The following MAST2 variants were observed in gnomAD, a reference collection of about 807,000 sequenced individuals.
MAST2 encodes microtubule associated serine/threonine kinase 2, also known as microtubule-associated serine/threonine-protein kinase 2.
MAST2 carries 70 observed loss-of-function variants against 147.4 expected under a neutral mutation model. The ratio of observed to expected loss-of-function variants is 0.47; its 90% CI spans 0.39 to 0.58. The LOEUF is 0.58. MAST2 is among the 20% of genes least tolerant of loss of function. MAST2 has a pLI of 0.00. For synonymous variants in MAST2, 869 were observed against 896.8 expected, an observed-to-expected ratio of 0.97 and a Z score of 0.55; for missense variants, 2,080 against 2,302.3, an observed-to-expected ratio of 0.90 and a Z score of 1.98.
chr1:45,920,187 C>G (rs182616904), intron 4 of MAST2, among the ~76,000 whole-genome samples: 14 of 152,276 alleles, frequency 9.2e-5, no homozygotes, highest in African/African-American at 3.4e-4. Context: ...AGGGTACCTG[C>G]TCATGTTCTT....
intron 11 of MAST2, among the ~76,000 whole-genome samples, chr1:46,020,856 G>T (rs1646153706): frequency 6.6e-6 from 1 of 152,174 alleles, no homozygotes; most frequent in Non-Finnish European, 1.5e-5. Flanking sequence ...ACATGTTGTT[G>T]CATGTATCAG....
At chr1:45,822,908 T>C (rs1257384789) in intron 1 of MAST2, among the ~76,000 whole-genome samples, 1 of 152,228 alleles carries the variant, frequency 6.6e-6, no homozygotes, top group Non-Finnish European at 1.5e-5. Context: ...TTGCATTAAG[T>C]TCTATTTCCT....
chr1:45,846,456 A>G (rs1490015634), intron 3 of MAST2, among the ~76,000 whole-genome samples: 1 of 152,186 alleles, frequency 6.6e-6, no homozygotes, highest in East Asian at 1.9e-4. Context: ...GAAAAAGATT[A>G]AACAACTTTT....
At chr1:45,808,532 TCTCCTTTGA>T (rs1328059273) in intron 1 of MAST2, among the ~76,000 whole-genome samples, 3 of 152,166 alleles carry the variant, frequency 2.0e-5, no homozygotes, top group Non-Finnish European at 4.4e-5. Context: ...TTTTACTTCT[TCTCCTTTGA>T]CTCCCTTAGC....
chr1:45,975,033 G>T (rs1463350301), intron 5 of MAST2, among the ~76,000 whole-genome samples: 1 of 152,172 alleles, frequency 6.6e-6, no homozygotes, highest in Admixed American at 6.5e-5. Flanking sequence ...GAGGGAGAAT[G>T]CCTGAAGATG....
intron 3 of MAST2, among the ~76,000 whole-genome samples, chr1:45,851,276 A>T (rs558871130): frequency 1.3e-5 from 2 of 152,116 alleles, no homozygotes; most frequent in Non-Finnish European, 2.9e-5. Context: ...CTCAGCTTGA[A>T]TGTTACTGGT....
intron 3 of MAST2, among the ~76,000 whole-genome samples, chr1:45,878,834 G>T (rs1646717340): frequency 6.6e-6 from 1 of 151,652 alleles, no homozygotes; most frequent in Non-Finnish European, 1.5e-5. Context: ...AGTAATTAAA[G>T]AACTCGGTAA....
At chr1:45,909,295 G>A (rs1651285024) in intron 4 of MAST2, among the ~76,000 whole-genome samples, 1 of 151,880 alleles carries the variant, frequency 6.6e-6, no homozygotes, top group Admixed American at 6.6e-5. Flanking sequence ...TTCATTTAAG[G>A]CTTTATCATA....
Position 46,006,232 on chromosome 1 carries a change from C to T in MAST2, c.748-9C>T. 6.2e-7 allele frequency: 1 copy of T among 1,609,448 alleles called. No individual in the cohort carries two copies. Among genetic ancestry groups the T allele is most frequent in the Non-Finnish European group, 8.5e-7 (1 of 1,177,202 alleles). ...CTTTAATGCCACTTCTTAATGTTTT[C>T]CCCTCTAGTCATCATGCTCCTCACA... On this transcript the variant is annotated splice_polypyrimidine_tract_variant and intron_variant, in intron 7 of 28. Coordinates refer to ENST00000361297, the MANE Select transcript of MAST2 (RefSeq NM_015112.3).
In MAST2 at chr1:45,804,274, G is replaced by A. The variant is rs1570127107; in HGVS notation, c.177+202G>A. On this transcript the variant is annotated intron_variant, in intron 1 of 28. Coordinates refer to ENST00000361297, the MANE Select transcript of MAST2 (RefSeq NM_015112.3). The stretch of plus-strand genomic sequence containing the variant: ...CTGGGGTTGTATTGGAAATGGGGGT[G>A]TAGAAGAATGAAAAATTGGTGCAAG... 2.0e-5 allele frequency among the ~76,000 whole-genome samples: 3 copies of A among 152,218 alleles called. No individual in the cohort carries two copies. The East Asian group carries it at 5.8e-4, about 29-fold the overall frequency.
At chr1:45,856,158 A>C (rs1267394343) in intron 3 of MAST2, among the ~76,000 whole-genome samples, 1 of 152,196 alleles carries the variant, frequency 6.6e-6, no homozygotes, top group Non-Finnish European at 1.5e-5. Flanking sequence ...GTACACAGCA[A>C]ACTTGTAATT....
intron 3 of MAST2, among the ~76,000 whole-genome samples, chr1:45,849,075 A>G (rs1041500232): frequency 4.0e-4 from 61 of 152,222 alleles, no homozygotes; most frequent in African/African-American, 1.4e-3. Flanking sequence ...GCTCAAGGAA[A>G]TCAGAGAAGA....
chr1:45,825,624 G>A (rs796178370), intron 2 of MAST2, among the ~76,000 whole-genome samples: 17 of 150,940 alleles, frequency 1.1e-4, no homozygotes, highest in African/African-American at 4.1e-4. Flanking sequence ...GTAGAGACAG[G>A]GTTTCACCAT....
intron 3 of MAST2, among the ~76,000 whole-genome samples, chr1:45,870,143 C>T (rs916679456): frequency 3.9e-5 from 6 of 152,100 alleles, no homozygotes; most frequent in Non-Finnish European, 7.4e-5. Context: ...AGGCTAGTCT[C>T]GAATTCCTGA....
Position 45,859,672 on chromosome 1 carries a change from T to C in MAST2, c.469-22692T>C, listed in dbSNP as rs141126048. ...GAACCTTATAGCTTTCCACATGGGGTTAGTTATATTTTATTCACTTACTGA... is the reference window on the plus strand; with the variant it reads ...GAACCTTATAGCTTTCCACATGGGGCTAGTTATATTTTATTCACTTACTGA... On this transcript the variant is annotated intron_variant, in intron 3 of 28. Coordinates refer to ENST00000361297, the MANE Select transcript of MAST2 (RefSeq NM_015112.3). Among the ~76,000 whole-genome samples, 508 of 152,306 alleles carry C rather than the reference T, an allele frequency of 3.3e-3. 1 individual carries two copies. The highest frequency in any genetic ancestry group is 5.1e-3 in the Non-Finnish European group (350 of 68,034).
rs367576077 is a variant in MAST2, at chr1:46,000,863, A to T, written c.669-1942A>T. On this transcript the variant is annotated intron_variant, in intron 6 of 28. Transcript: ENST00000361297. ...AAACTATCACACATTCCTAAACAGA[A>T]GGAATGTGCCAAGCTAGACCAAATA... 1.3e-4 allele frequency: 105 copies of T among 835,802 alleles called. 1 individual carries two copies. In the South Asian group the frequency reaches 1.5e-3, roughly 12 times the overall value. The allele number at this position is 835,802 out of a possible 1,614,324, so 51.8% of individuals were successfully genotyped here.
At chr1:46,009,564 G>T (rs1645630834) in intron 9 of MAST2, among the ~76,000 whole-genome samples, 2 of 152,190 alleles carry the variant, frequency 1.3e-5, no homozygotes, top group South Asian at 4.1e-4. Flanking sequence ...TGACGTATAT[G>T]GTGTTTATGA....
chr1:45,955,185 A>G (rs950645560), intron 4 of MAST2, among the ~76,000 whole-genome samples: 1 of 149,662 alleles, frequency 6.7e-6, no homozygotes, highest in Non-Finnish European at 1.5e-5. Flanking sequence ...TGTGCAAAAT[A>G]TATACCATCA....
At chr1:46,018,943 T>C (rs940055249) in intron 10 of MAST2, among the ~76,000 whole-genome samples, 3 of 152,216 alleles carry the variant, frequency 2.0e-5, no homozygotes, top group Non-Finnish European at 2.9e-5. Flanking sequence ...ACCTATCACC[T>C]AAATGGCTTC....
Sources: gnomAD v4.1 joint callset for allele counts (sites outside exome capture counted in the v4.1 genomes callset) on GRCh38, gnomAD v4.1.1 for gene constraint, MANE v1.5 for transcripts, NCBI Gene and HGNC (gene_info 2026-07-23, HGNC 2026-07-21) for gene names.